Variants in MPPED2 observed in about 807,000 individuals in gnomAD.
MPPED2 encodes metallophosphoesterase domain containing 2.
MPPED2 carries 5 observed loss-of-function variants against 33.0 expected under a neutral mutation model. The ratio of observed to expected loss-of-function variants is 0.15; its 90% confidence interval spans 0.08 to 0.32. MPPED2 has a LOEUF of 0.32. Among genes scored for constraint, MPPED2 ranks in the 10% least tolerant of loss-of-function variants. The pLI, the probability that MPPED2 is intolerant of heterozygous loss-of-function variation, is 1.00. For synonymous variants in MPPED2, 136 were observed against 141.9 expected, an observed-to-expected ratio of 0.96 and a Z score of 0.29; for missense variants, 275 against 372.1, an observed-to-expected ratio of 0.74 and a Z score of 2.15.
intron 2 of MPPED2, among the ~76,000 whole-genome samples, chr11:30,549,420 G>A (rs1184353442): frequency 6.6e-6 from 1 of 152,150 alleles, no homozygotes; most frequent in African/African-American, 2.4e-5. Flanking sequence ...AATGCACCAT[G>A]TTTGCATAAT....
At chr11:30,586,586 G>A (rs11031140), upstream of MPPED2, among the ~76,000 whole-genome samples, 24,516 of 152,148 alleles carry the variant, frequency 0.16, 2,084 homozygotes, top group Non-Finnish European at 0.2. This position sits in a 1 kb window ranked among gnomAD's most constrained non-coding sequence, Gnocchi z 4.8. Context: ...CAGGCGGCAG[G>A]AAGCTGAGCT....
chr11:30,442,463 T>C (rs1949621254), intron 4 of MPPED2, among the ~76,000 whole-genome samples: 1 of 152,182 alleles, frequency 6.6e-6, no homozygotes, highest in Non-Finnish European at 1.5e-5. Context: ...GATCCAACCA[T>C]ATCAAGGTCT....
intron 3 of MPPED2, among the ~76,000 whole-genome samples, chr11:30,509,668 G>A (rs1377486048): frequency 6.6e-6 from 1 of 152,190 alleles, no homozygotes; most frequent in Non-Finnish European, 1.5e-5. Context: ...TAATTTATGT[G>A]CAAGGCCAGT....
chr11:30,522,061 A>C (rs1590699182), intron 3 of MPPED2, among the ~76,000 whole-genome samples: 1 of 152,202 alleles, frequency 6.6e-6, no homozygotes. Flanking sequence ...AGTTTCCATT[A>C]AGAAATCCTT....
At chr11:30,584,376 A>C (rs809462) in intron 1 of MPPED2, 1,224 of 72,854 alleles carry the variant, frequency 0.017, 23 homozygotes, top group East Asian at 0.16. Context: ...ACACACACAC[A>C]CCACATACAC....
intron 3 of MPPED2, among the ~76,000 whole-genome samples, chr11:30,522,458 C>T (rs1402055587): frequency 5.3e-5 from 8 of 151,550 alleles, no homozygotes; most frequent in Admixed American, 1.3e-4. Context: ...TGTAGCAAAA[C>T]ATTAACAGTT....
chr11:30,475,477 G>A (rs1410296621), intron 4 of MPPED2, among the ~76,000 whole-genome samples: 4 of 151,982 alleles, frequency 2.6e-5, no homozygotes, highest in East Asian at 3.9e-4. Context: ...CAGTCCAAGC[G>A]ACCATTGATC....
At chr11:30,497,333 A>G (rs1952313513) in intron 3 of MPPED2, among the ~76,000 whole-genome samples, 1 of 152,114 alleles carries the variant, frequency 6.6e-6, no homozygotes, top group Non-Finnish European at 1.5e-5. Flanking sequence ...TACAACTCTA[A>G]TATCATGGCT....
chr11:30,565,081 C>T (rs1395597590), intron 2 of MPPED2, among the ~76,000 whole-genome samples: 1 of 152,112 alleles, frequency 6.6e-6, no homozygotes, highest in African/African-American at 2.4e-5. Context: ...TAGAGAAATC[C>T]CCACATATAT....
downstream of MPPED2, among the ~76,000 whole-genome samples, chr11:30,408,673 C>T (rs1948028183): frequency 6.6e-6 from 1 of 152,186 alleles, no homozygotes. Context: ...ATTAAAAGGG[C>T]ATGGGCTATG....
In MPPED2 at chr11:30,448,788, C is replaced by T. The variant is rs189676024; in HGVS notation, c.537-31155G>A. ...CTCCCGGGTTCAAGTGATTCTCCTG[C>T]CCCAGCCTCCTGAGTAGCACCACCA... is the stretch of plus-strand genomic sequence containing the variant. On this transcript the variant is annotated intron_variant, in intron 4 of 6. Coordinates refer to ENST00000358117, the MANE Select transcript of MPPED2 (RefSeq NM_001584.3). Among the ~76,000 whole-genome samples, 6 of 151,970 alleles carry T rather than the reference C, an allele frequency of 3.9e-5. 1 individual carries two copies. The highest frequency in any genetic ancestry group is 1.4e-4 in the African/African-American group (6 of 41,436).
intron 3 of MPPED2, among the ~76,000 whole-genome samples, chr11:30,513,320 T>C (rs933949448): frequency 1.2e-4 from 18 of 152,314 alleles, no homozygotes; most frequent in Non-Finnish European, 5.9e-5. Flanking sequence ...TCTCTTTCTC[T>C]TTTTTGGTCA....
intron 1 of MPPED2, chr11:30,584,479 C>G (rs1282666601): frequency 6.5e-6 from 1 of 152,894 alleles, no homozygotes; most frequent in Non-Finnish European, 1.5e-5. Flanking sequence ...CTCAGTCCCC[C>G]GTTGCCACCT....
intron 4 of MPPED2, among the ~76,000 whole-genome samples, chr11:30,478,249 GC>G (rs1450739558): frequency 6.6e-6 from 1 of 151,994 alleles, no homozygotes. Flanking sequence ...TTTGTTAGGA[GC>G]TTATTCCTCC....
intron 2 of MPPED2, among the ~76,000 whole-genome samples, chr11:30,574,275 A>C (rs1411949578): frequency 4.6e-5 from 7 of 152,052 alleles, no homozygotes; most frequent in Non-Finnish European, 1.0e-4. Context: ...CTGTGTTTAG[A>C]TATATTTAGA....
intron 3 of MPPED2, among the ~76,000 whole-genome samples, chr11:30,528,266 T>C (rs1954314251): frequency 6.6e-6 from 1 of 152,138 alleles, no homozygotes; most frequent in African/African-American, 2.4e-5. Flanking sequence ...TTTACTTTCT[T>C]TTTTTTTCAG....
intron 4 of MPPED2, among the ~76,000 whole-genome samples, chr11:30,462,725 C>T (rs187654245): frequency 1.3e-5 from 2 of 151,872 alleles, no homozygotes; most frequent in Non-Finnish European, 1.5e-5. Flanking sequence ...TCCATATAAT[C>T]GATTAAATAA....
At chr11:30,438,581 G>T (rs1049497565) in intron 4 of MPPED2, among the ~76,000 whole-genome samples, 16 of 152,158 alleles carry the variant, frequency 1.1e-4, no homozygotes, top group Admixed American at 9.2e-4. Context: ...GGGGCCAGGG[G>T]GCAGAAGACC....
chr11:30,458,914 C>CTTTTTTTT lies in MPPED2; in HGVS notation c.536+36374_536+36381dup, dbSNP rs71060450. ...TTTTTTAGGACAATTTTGCACAGTT[C>CTTTTTTTT]TTTTTTTTTTTTTTTTTTTTTTTTT... On this transcript the variant is annotated intron_variant, in intron 4 of 6. Coordinates refer to ENST00000358117, the MANE Select transcript of MPPED2 (RefSeq NM_001584.3). Among the ~76,000 whole-genome samples, 100 of 64,546 alleles carry CTTTTTTTT rather than the reference C, an allele frequency of 1.5e-3. 6 individuals carry two copies. The highest frequency in any genetic ancestry group is 2.3e-3 in the Non-Finnish European group (76 of 33,380). The allele number at this position is 64,546 out of a possible 152,430, so 42.3% of individuals were successfully genotyped here.
Sources: gnomAD v4.1 joint callset for allele counts (sites outside exome capture counted in the v4.1 genomes callset) on GRCh38, gnomAD v4.1.1 for gene constraint, Gnocchi (gnomAD v3.1) non-coding constraint, MANE v1.5 for transcripts, NCBI Gene and HGNC (gene_info 2026-07-23, HGNC 2026-07-21) for gene names.